DERPC: variants seen among roughly 807,000 people sequenced by gnomAD.
The protein encoded by DERPC is decreased expression in renal and prostate cancer protein.
Under a neutral mutation model 7.2 loss-of-function variants are expected in DERPC, and 1 was observed. The observed-to-expected ratio is 0.14, with a 90% confidence interval of 0.05 to 0.66. The LOEUF is 0.66. Among genes scored for constraint, DERPC ranks in the 30% least tolerant of loss-of-function variants. The pLI is 0.84. For synonymous variants in DERPC, 185 were observed against 117.6 expected, an observed-to-expected ratio of 1.57 and a Z score of -3.71; for missense variants, 502 against 299.4, an observed-to-expected ratio of 1.68 and a Z score of -4.99.
chr16:69,119,684 G>T lies in DERPC; in HGVS notation c.745C>A (p.Leu249Ile). The change falls in exon 3 of 3, where the codon CTA (leucine) becomes ATA (isoleucine). Residue 249 changes from leucine to isoleucine, a missense_variant. Coordinates refer to ENST00000519520, the MANE Select transcript of DERPC (RefSeq NM_001002847.4). ...AAGAGGCCACCTGCTCTGGCATCTA[G>T]ATTAGGGCCTGGGCCCAGGCCACTT... ...RPSGLGPGPN[L>I]DARAGGLLGT... 3.0e-6 allele frequency: 2 copies of T among 676,184 alleles called. No homozygotes were observed. Among genetic ancestry groups the T allele is most frequent in the Non-Finnish European group, 5.4e-6 (2 of 370,768 alleles). The allele number at this position is 676,184 out of a possible 1,614,324, so 41.9% of individuals were successfully genotyped here. A position where few individuals can be genotyped will look rare whatever the true frequency, so the allele number is the denominator to read the frequency against.
Position 69,120,909 on chromosome 16 carries a change from G to A in DERPC, c.-221-260C>T. ...AATTTCCCTGCTACTGCAGAGGTAG[G>A]GGGAGAACAAGCAGAGAGCATCGCA... On this transcript the variant is annotated intron_variant, in intron 2 of 2. Transcript: ENST00000519520. This position sits in a 1 kb window ranked among gnomAD's most constrained non-coding sequence, Gnocchi z 4.0. 2.5e-6 allele frequency: 2 copies of A among 815,116 alleles called. No homozygotes were observed. The highest frequency in any genetic ancestry group is 2.4e-5 in the East Asian group (1 of 40,868). The allele number at this position is 815,116 out of a possible 1,614,324, so 50.5% of individuals were successfully genotyped here. A position where few individuals can be genotyped will look rare whatever the true frequency, so the allele number is the denominator to read the frequency against.
rs771594337 is a variant in DERPC at position 69,132,561 on chromosome 16, C to T, written c.-357G>A. Reference sequence around the variant, plus strand: ...AACCTCCCGCCGCCGTCGCCGCCGCCGCGAGCACTGCCTGCGCACTTCCGA... The same window carrying T: ...AACCTCCCGCCGCCGTCGCCGCCGCTGCGAGCACTGCCTGCGCACTTCCGA... On this transcript the variant is annotated 5_prime_UTR_variant, in exon 1 of 3. Coordinates refer to ENST00000519520, the MANE Select transcript of DERPC (RefSeq NM_001002847.4). 5.2e-6 allele frequency: 2 copies of T among 384,090 alleles called. No homozygotes were observed. Among genetic ancestry groups the T allele is most frequent in the South Asian group, 3.5e-5 (2 of 57,396 alleles). 23.8% of individuals were successfully genotyped at this position (384,090 alleles called of 1,614,324 possible).
At chr16:69,131,813 C>T (rs1243787242) in intron 1 of DERPC, among the ~76,000 whole-genome samples, 1 of 151,864 alleles carries the variant, frequency 6.6e-6, no homozygotes, top group Non-Finnish European at 1.5e-5. Flanking sequence ...GTACTCCACT[C>T]CTCCAGGACC....
intron 1 of DERPC, among the ~76,000 whole-genome samples, chr16:69,126,873 G>A (rs1228984646): frequency 1.3e-5 from 2 of 152,164 alleles, no homozygotes; most frequent in Non-Finnish European, 2.9e-5. Flanking sequence ...CAGTAGGTAG[G>A]GATTCCTGAG....
chr16:69,132,474 G>T lies in DERPC; in HGVS notation c.-280+10C>A, dbSNP rs1282642172. The T allele has an allele frequency of 4.5e-6, 1 of 221,258 alleles. No individual in the cohort carries two copies. The highest frequency in any genetic ancestry group is 8.7e-6 in the Non-Finnish European group (1 of 115,276). The allele number at this position is 221,258 out of a possible 1,614,324, so 13.7% of individuals were successfully genotyped here. On this transcript the variant is annotated intron_variant, in intron 1 of 2. Coordinates refer to ENST00000519520, the MANE Select transcript of DERPC (RefSeq NM_001002847.4). Reference sequence around the variant, plus strand: ...CCGCAGCCTCCCGTGCCCCCCGCCCGCGGCCTGACCTGCAATGGCGGCCGC... The same window carrying T: ...CCGCAGCCTCCCGTGCCCCCCGCCCTCGGCCTGACCTGCAATGGCGGCCGC...
chr16:69,120,238 G>A lies in DERPC; in HGVS notation c.191C>T (p.Pro64Leu), dbSNP rs757377660. Residue 64 changes from proline to leucine, a missense_variant, in exon 3 of 3, where the codon CCA becomes CTA. Transcript: ENST00000519520. The surrounding 1 kb of genome is among the most constrained non-coding windows in gnomAD (Gnocchi z 4.0). ...AAAAGGAGATGGGTTCCTTGGAAAT[G>A]GGGTCAGATTTCCACCAAGAGAACC... is the stretch of plus-strand genomic sequence containing the variant. ...AAGSLGGNLT[P>L]FPRNPSPFPA... 5.6e-6 allele frequency: 4 copies of A among 708,770 alleles called. No individual in the cohort carries two copies. In the East Asian group the frequency reaches 1.1e-4, roughly 19 times the overall value. 43.9% of individuals were successfully genotyped at this position (708,770 alleles called of 1,614,324 possible).
At position 69,120,353 on chromosome 16, in the gene DERPC, G is replaced by A. The variant is rs1404905252; in HGVS notation, c.76C>T (p.Leu26Phe). The A allele has an allele frequency of 5.4e-6, 8 of 1,478,890 alleles. No homozygotes were observed. The highest frequency in any genetic ancestry group is 7.6e-6 in the Non-Finnish European group (8 of 1,058,528). 91.6% of individuals were successfully genotyped at this position (1,478,890 alleles called of 1,614,324 possible). ...TRAPLPPRGR[L>F]DGSLGPQGGP... ...CCCTGTGGTCCCAGGGAACCGTCGA[G>A]CCGTCCTCGAGGTGGCAGCGGAGCA... The change falls in exon 3 of 3, where the codon CTC (leucine) becomes TTC (phenylalanine). Residue 26 changes from leucine to phenylalanine, a missense_variant. Transcript: ENST00000519520. This position sits in a 1 kb window ranked among gnomAD's most constrained non-coding sequence, Gnocchi z 4.0.
At chr16:69,124,965 C>T (rs558693382) in intron 1 of DERPC, among the ~76,000 whole-genome samples, 3 of 152,064 alleles carry the variant, frequency 2.0e-5, no homozygotes, top group Admixed American at 6.6e-5. Context: ...AGTGCAATGG[C>T]GCGATCTCGG....
In DERPC at chr16:69,118,408, CAG is replaced by C; in HGVS notation, c.*444_*445del. The C allele has an allele frequency of 6.2e-7, 1 of 1,613,644 alleles. No individual in the cohort carries two copies. Among genetic ancestry groups the C allele is most frequent in the Non-Finnish European group, 8.5e-7 (1 of 1,179,612 alleles). Reference sequence around the variant, plus strand: ...ATGACCAGGTCCAAGCTGCCCAGGTCAGAGCTACGGAAGCATGGTCCGTTCAC... The same window carrying C: ...ATGACCAGGTCCAAGCTGCCCAGGTCAGCTACGGAAGCATGGTCCGTTCAC... On this transcript the variant is annotated 3_prime_UTR_variant, in exon 3 of 3. Transcript: ENST00000519520.
rs532543479 is a variant in DERPC, at chr16:69,122,897, T to C, written c.-279-1404A>G. On this transcript the variant is annotated intron_variant, in intron 1 of 2. Transcript: ENST00000519520. ...TTTCACCATGTTAGCCAGGCTGGTC[T>C]CAAACTCCTGACCTCAGGTGATCCA... is the stretch of plus-strand genomic sequence containing the variant. Among the ~76,000 whole-genome samples the C allele has an allele frequency of 2.0e-5, 3 of 152,206 alleles. No homozygotes were observed. In the East Asian group the frequency reaches 5.8e-4, roughly 29 times the overall value.
Position 69,119,488 on chromosome 16 carries a change from C to T in DERPC, c.941G>A (p.Gly314Asp). 1.4e-6 allele frequency: 1 copy of T among 703,002 alleles called. No individual in the cohort carries two copies. The highest frequency in any genetic ancestry group is 1.5e-5 in the South Asian group (1 of 67,596). 43.5% of individuals were successfully genotyped at this position (703,002 alleles called of 1,614,324 possible). A position where few individuals can be genotyped will look rare whatever the true frequency, so the allele number is the denominator to read the frequency against. ...SSMARVPGPM[G>D]PNSGPSSRGI... ...CCGAGAGCTAGGACCCGAGTTTGGG[C>T]CCATGGGGCCAGGTACTCTTGCCAT... The change falls in exon 3 of 3, where the codon GGC (glycine) becomes GAC (aspartate). Residue 314 changes from glycine to aspartate, a missense_variant. Coordinates refer to ENST00000519520, the MANE Select transcript of DERPC (RefSeq NM_001002847.4).
intron 1 of DERPC, among the ~76,000 whole-genome samples, chr16:69,122,839 G>T (rs1961780077): frequency 6.6e-6 from 1 of 151,800 alleles, no homozygotes; most frequent in Non-Finnish European, 1.5e-5. Context: ...ACCGCACCTG[G>T]CTTAATTTTT....
intron 1 of DERPC, among the ~76,000 whole-genome samples, chr16:69,124,185 TG>T (rs1961895168): frequency 6.6e-6 from 1 of 152,162 alleles, no homozygotes; most frequent in Non-Finnish European, 1.5e-5. Context: ...TGGAGTACTT[TG>T]TAAGAACTGG....
intron 1 of DERPC, among the ~76,000 whole-genome samples, chr16:69,121,824 C>A (rs1050023894): frequency 6.6e-6 from 1 of 152,074 alleles, no homozygotes; most frequent in African/African-American, 2.4e-5. Flanking sequence ...CCCGCCACCA[C>A]GGCCGGCTAA....
intron 1 of DERPC, among the ~76,000 whole-genome samples, chr16:69,127,655 G>C (rs1354221428): frequency 6.8e-6 from 1 of 146,960 alleles, no homozygotes; most frequent in East Asian, 2.0e-4. Flanking sequence ...TGTTGCCCAG[G>C]CTGGAGTGCA....
intron 1 of DERPC, among the ~76,000 whole-genome samples, chr16:69,124,009 C>G (rs1386148621): frequency 6.7e-6 from 1 of 150,344 alleles, no homozygotes; most frequent in Non-Finnish European, 1.5e-5. Flanking sequence ...GAGGCTGAGG[C>G]ATGAGACTCA....
chr16:69,126,628 C>A (rs1267699239), intron 1 of DERPC, among the ~76,000 whole-genome samples: 1 of 152,172 alleles, frequency 6.6e-6, no homozygotes, highest in Non-Finnish European at 1.5e-5. Context: ...AAATGAAGTT[C>A]GAGCCCAGCT....
intron 1 of DERPC, among the ~76,000 whole-genome samples, chr16:69,129,287 G>A (rs1265987651): frequency 5.3e-5 from 8 of 151,112 alleles, no homozygotes; most frequent in South Asian, 2.1e-4. Context: ...AAAATTAGCC[G>A]GGCGTGGTGG....
At chr16:69,122,669 C>T (rs112359842) in intron 1 of DERPC, among the ~76,000 whole-genome samples, 2 of 151,868 alleles carry the variant, frequency 1.3e-5, no homozygotes, top group African/African-American at 4.8e-5. Context: ...GCCTCCCGAG[C>T]AGCTGGGATT....
Sources: allele counts gnomAD v4.1 joint callset (sites outside exome capture counted in the v4.1 genomes callset), GRCh38; gene constraint gnomAD v4.1.1; non-coding constraint Gnocchi (gnomAD v3.1); transcripts MANE v1.5; gene names NCBI Gene and HGNC (gene_info 2026-07-23, HGNC 2026-07-21).